Variants in MAPK10 observed in about 807,000 individuals in gnomAD.
MAPK10 encodes the protein mitogen-activated protein kinase 10, also known as JNK3 alpha protein kinase.
Under a neutral mutation model 59.3 loss-of-function variants are expected in MAPK10, and 25 were observed. The ratio of observed to expected loss-of-function variants is 0.42; its 90% CI spans 0.31 to 0.59. The LOEUF is 0.59. Ranked by LOEUF, MAPK10 falls within the 20% of genes least tolerant of loss-of-function variation. The pLI is 0.15. For synonymous variants in MAPK10, 190 were observed against 200.5 expected (o/e 0.95, Z 0.44); for missense variants, 351 against 568.9 (o/e 0.62, Z 3.90).
At chr4:86,147,006 A>T (rs1184034779) in intron 4 of MAPK10, among the ~76,000 whole-genome samples, 1 of 152,204 alleles carries the variant, frequency 6.6e-6, no homozygotes, top group African/African-American at 2.4e-5. Context: ...CCACTGAAGG[A>T]AAGTGCATTT....
At chr4:86,208,568 T>A in intron 2 of MAPK10, among the ~76,000 whole-genome samples, 1 of 151,742 alleles carries the variant, frequency 6.6e-6, no homozygotes, top group Non-Finnish European at 1.5e-5. Context: ...CTCAATAAAT[T>A]AGATATTGAT....
Position 86,436,253 on chromosome 4 carries a change from G to A in MAPK10, c.-122+16777C>T, listed in dbSNP as rs531216427. Among the ~76,000 whole-genome samples, 3 of 152,244 alleles carry A rather than the reference G, an allele frequency of 2.0e-5. No individual in the cohort carries two copies. The East Asian group carries it at 5.8e-4, about 29-fold the overall frequency. On this transcript the variant is annotated intron_variant, in intron 1 of 13. Transcript: ENST00000361569. ...GGGTGGCCAAAATGAAACTCACAAA[G>A]TCTGAGCACTAAAATCCTTTTAGTT...
chr4:86,095,297 A>G (rs1053823306), intron 9 of MAPK10: 2 of 151,840 alleles, frequency 1.3e-5, no homozygotes, highest in Non-Finnish European at 2.9e-5. Flanking sequence ...AACTTCAGTC[A>G]TCAATGACAA....
intron 11 of MAPK10, among the ~76,000 whole-genome samples, chr4:86,060,429 T>C (rs1312936650): frequency 2.0e-5 from 3 of 152,154 alleles, no homozygotes; most frequent in Non-Finnish European, 2.9e-5. Context: ...AGTTACAGCT[T>C]ATGTTCCTCT....
intron 4 of MAPK10, among the ~76,000 whole-genome samples, chr4:86,137,516 C>A (rs1393321987): frequency 7.4e-6 from 1 of 135,054 alleles, no homozygotes; most frequent in Non-Finnish European, 1.5e-5. Flanking sequence ...ACCAGAATCT[C>A]TGGGATGCAT....
intron 4 of MAPK10, among the ~76,000 whole-genome samples, chr4:86,150,417 C>CA (rs772304691): frequency 7.9e-5 from 12 of 152,020 alleles, no homozygotes; most frequent in Admixed American, 3.3e-4. Flanking sequence ...ATCCATATAA[C>CA]AAAAAAATCT....
intron 12 of MAPK10, 95 bp downstream of exon 12, chr4:86,031,273 C>A (rs2038958548): frequency 3.4e-6 from 3 of 883,478 alleles, no homozygotes; most frequent in Non-Finnish European, 5.4e-6. Context: ...GTCAGCAAAT[C>A]ATTTTTTAGT....
At chr4:86,528,462 T>G (rs1254305362) in intron 1 of MAPK10, among the ~76,000 whole-genome samples, 2 of 152,224 alleles carry the variant, frequency 1.3e-5, no homozygotes, top group African/African-American at 4.8e-5. Flanking sequence ...ATATAATTAT[T>G]TTTAAACCTT....
At chr4:86,053,996 C>G (rs1319177316) in intron 11 of MAPK10, among the ~76,000 whole-genome samples, 1 of 152,082 alleles carries the variant, frequency 6.6e-6, no homozygotes, top group African/African-American at 2.4e-5. Context: ...TCTCAGTGAT[C>G]CATTCAAAAG....
intron 2 of MAPK10, among the ~76,000 whole-genome samples, chr4:86,346,479 G>A (rs1728286381): frequency 6.6e-6 from 1 of 152,002 alleles, no homozygotes; most frequent in Non-Finnish European, 1.5e-5. Context: ...ACCATCATAG[G>A]CCTAACTACA....
At chr4:86,028,875 T>C in intron 13 of MAPK10, 1 of 359,344 alleles carries the variant, frequency 2.8e-6, no homozygotes, top group South Asian at 2.4e-5. Flanking sequence ...ATTGACTTGA[T>C]GGTCAAAAGG....
chr4:86,211,769 C>A (rs530117671), intron 2 of MAPK10, among the ~76,000 whole-genome samples: 3 of 152,046 alleles, frequency 2.0e-5, no homozygotes, highest in Non-Finnish European at 4.4e-5. Flanking sequence ...TGGACACACA[C>A]AATGTAAATG....
intron 10 of MAPK10, chr4:86,065,278 CT>C (rs1240173261): frequency 6.6e-6 from 1 of 152,136 alleles, no homozygotes; most frequent in Non-Finnish European, 1.5e-5. Context: ...CATTCAACTA[CT>C]GAATTTTATT....
In MAPK10 at chr4:86,056,412, G is replaced by A. The variant is rs1299319258; in HGVS notation, c.1110+7854C>T. Among the ~76,000 whole-genome samples the A allele has an allele frequency of 1.3e-5, 2 of 149,904 alleles. 1 individual carries two copies. Among genetic ancestry groups the A allele is most frequent in the African/African-American group, 5.0e-5 (2 of 40,026 alleles). On this transcript the variant is annotated intron_variant, in intron 11 of 13. Transcript: ENST00000641462. The stretch of plus-strand genomic sequence containing the variant: ...ATTCATATATACTGAGTCTAACAAA[G>A]TACATTGCTTCTAGTTATAATCAAA...
chr4:86,168,439 G>A (rs150723472), intron 3 of MAPK10, among the ~76,000 whole-genome samples: 6 of 152,294 alleles, frequency 3.9e-5, no homozygotes, highest in Admixed American at 2.0e-4. Flanking sequence ...GGTCCTACAC[G>A]CACGGAGTCT....
chr4:86,134,726 G>C (rs1023442749), intron 4 of MAPK10, among the ~76,000 whole-genome samples: 1 of 152,226 alleles, frequency 6.6e-6, no homozygotes, highest in Admixed American at 6.5e-5. Flanking sequence ...AGCTCCCAGC[G>C]TGAGCGACAC....
intron 1 of MAPK10, among the ~76,000 whole-genome samples, chr4:86,578,230 G>T (rs1762035190): frequency 6.6e-6 from 1 of 152,052 alleles, no homozygotes; most frequent in African/African-American, 2.4e-5. Context: ...TAGAGGCCAG[G>T]GATGCTGCTA....
At chr4:86,066,711 G>A (rs2046805670) in intron 10 of MAPK10, among the ~76,000 whole-genome samples, 1 of 135,122 alleles carries the variant, frequency 7.4e-6, no homozygotes, top group Admixed American at 8.3e-5. Context: ...CTTGCAGTGA[G>A]CCTAGATCGG....
intron 9 of MAPK10, chr4:86,089,099 C>T: frequency 1.2e-6 from 1 of 800,172 alleles, no homozygotes. Context: ...CTCATAGAAA[C>T]TCTCTAAGGA....
Sources: allele counts gnomAD v4.1 joint callset (sites outside exome capture counted in the v4.1 genomes callset), GRCh38; gene constraint gnomAD v4.1.1; transcripts MANE v1.5; gene names NCBI Gene and HGNC (gene_info 2026-07-23, HGNC 2026-07-21).